EFCC1: variants seen among roughly 807,000 people sequenced by gnomAD.
The protein encoded by EFCC1 is EF-hand and coiled-coil domain containing 1, also known as EF-hand and coiled-coil domain-containing protein 1.
EFCC1 carries 50 observed loss-of-function variants against 52.1 expected under a neutral mutation model. The ratio of observed to expected loss-of-function variants is 0.96; its 90% CI spans 0.76 to 1.21. The LOEUF is 1.21. EFCC1 is among the 50% of genes most tolerant of loss of function. EFCC1 has a pLI of 0.00. For synonymous variants in EFCC1, 399 were observed against 396.5 expected, an observed-to-expected ratio of 1.01 and a Z score of -0.08; for missense variants, 837 against 867.3, an observed-to-expected ratio of 0.97 and a Z score of 0.44.
chr3:129,038,865 T>G lies in EFCC1; in HGVS notation c.1628T>G (p.Leu543Arg), dbSNP rs1166373104. ...AAAAGAGCCCTGGGGAAGATTTTGC[T>G]GAGCACGCTGGACGCTTTCAGGGAC... ...ISKRALGKIL[L>R]STLDAFRDPT... The change falls in exon 7 of 8, where the codon CTG (leucine) becomes CGG (arginine). Residue 543 changes from leucine to arginine, a missense_variant. Physicochemically the swap from Leu to Arg is moderately radical, Grantham distance 102. Transcript: ENST00000683648. The G allele has an allele frequency of 3.7e-6, 6 of 1,613,992 alleles. No homozygotes were observed. The highest frequency in any genetic ancestry group is 5.1e-6 in the Non-Finnish European group (6 of 1,180,022).
At position 129,010,987 on chromosome 3, in the gene EFCC1, C is replaced by T. The variant is rs1347295177; in HGVS notation, c.980+6910C>T. On this transcript the variant is annotated intron_variant, in intron 2 of 7. Coordinates refer to ENST00000683648, the MANE Select transcript of EFCC1 (RefSeq NM_001377500.1). This position sits in a 1 kb window ranked among gnomAD's most constrained non-coding sequence, Gnocchi z 4.3. ...TGGTAGGAGCTAGAGCTGTTCCCTTCACTTCTGTGAGTCTCAGTTTCCTCG... is the reference window on the plus strand; with the variant it reads ...TGGTAGGAGCTAGAGCTGTTCCCTTTACTTCTGTGAGTCTCAGTTTCCTCG... Among the ~76,000 whole-genome samples, 2 of 152,160 alleles carry T rather than the reference C, an allele frequency of 1.3e-5. No individual in the cohort carries two copies. Among genetic ancestry groups the T allele is most frequent in the Non-Finnish European group, 2.9e-5 (2 of 68,034 alleles).
intron 3 of EFCC1, among the ~76,000 whole-genome samples, chr3:129,032,375 C>T (rs900382): frequency 0.064 from 9,732 of 151,906 alleles, 732 homozygotes; most frequent in East Asian, 0.39. Context: ...AAGCCAGGCA[C>T]GGTGGTTCAT....
chr3:129,026,739 A>G (rs1236026797), intron 2 of EFCC1, among the ~76,000 whole-genome samples: 1 of 152,026 alleles, frequency 6.6e-6, no homozygotes, highest in African/African-American at 2.4e-5. Context: ...TGGAGTAGGG[A>G]GATACTGGCA....
At chr3:129,017,609 T>C (rs1429828337) in intron 2 of EFCC1, among the ~76,000 whole-genome samples, 1 of 152,222 alleles carries the variant, frequency 6.6e-6, no homozygotes, top group African/African-American at 2.4e-5. Context: ...TCACCCACAT[T>C]GCTTTCATCT....
rs1044548306 is a variant in EFCC1, at chr3:129,032,898, G to A, written c.1218G>A (p.Gln406=). 1.7e-5 allele frequency: 27 copies of A among 1,551,240 alleles called. No individual in the cohort carries two copies. The highest frequency in any genetic ancestry group is 2.3e-5 in the Non-Finnish European group (26 of 1,146,886). Residue 406 remains glutamine (Q), a synonymous_variant, in exon 4 of 8, where the codon CAG becomes CAA. Transcript: ENST00000683648. Reference sequence around the variant, plus strand: ...AGGAGGTGGAGGAGGAGAGGTGGCAGGAGGAGAAGAAGACGCCGGCAGCCG... The same window carrying A: ...AGGAGGTGGAGGAGGAGAGGTGGCAAGAGGAGAAGAAGACGCCGGCAGCCG... ...DEEEVEEERW[Q]EEKKTPAAEA...
chr3:129,002,498 T>C (rs1944839330), intron 1 of EFCC1, 174 bp downstream of exon 1: 2 of 1,252,474 alleles, frequency 1.6e-6, no homozygotes, highest in South Asian at 3.5e-5. Context: ...TCCTCCCCAT[T>C]CCACTCCAGT....
At chr3:129,038,268 C>T (rs368164433) in intron 6 of EFCC1, among the ~76,000 whole-genome samples, 25 of 152,228 alleles carry the variant, frequency 1.6e-4, no homozygotes, top group East Asian at 1.2e-3. Context: ...CCAGAGCTGC[C>T]GAGGTCCAGC....
rs1352437681 is a variant in EFCC1 at position 129,039,894 on chromosome 3, T to C, written c.*46T>C. ...GGCACCCTGCTCAGCCTGACTGCCT[T>C]TGGACCAGCCTCCATGATCAGCCCA... On this transcript the variant is annotated 3_prime_UTR_variant, in exon 8 of 8. Coordinates refer to ENST00000683648, the MANE Select transcript of EFCC1 (RefSeq NM_001377500.1). 1.9e-6 allele frequency: 3 copies of C among 1,549,988 alleles called. No homozygotes were observed. Among genetic ancestry groups the C allele is most frequent in the Admixed American group, 1.8e-5 (1 of 54,962 alleles).
intron 2 of EFCC1, among the ~76,000 whole-genome samples, chr3:129,021,008 T>C (rs1576753444): frequency 6.6e-6 from 1 of 152,248 alleles, no homozygotes. Flanking sequence ...GGGCATCTCC[T>C]TGGGAGCAGT....
intron 2 of EFCC1, among the ~76,000 whole-genome samples, chr3:129,021,203 G>A (rs1246299821): frequency 6.6e-6 from 1 of 152,174 alleles, no homozygotes; most frequent in African/African-American, 2.4e-5. Context: ...TTTATGCTGC[G>A]CAAACCTCAC....
chr3:129,016,737 AG>A (rs1382144962), intron 2 of EFCC1, among the ~76,000 whole-genome samples: 7 of 152,032 alleles, frequency 4.6e-5, no homozygotes, highest in Non-Finnish European at 8.8e-5. Context: ...CTGAGGCAGG[AG>A]GGGGCGGAAC....
rs144678686 is a variant in EFCC1 at position 129,001,481 on chromosome 3, G to A, written c.-148G>A. 2,254 of 1,232,464 alleles carry A rather than the reference G, an allele frequency of 1.8e-3. 32 individuals carry two copies. In the African/African-American group the frequency reaches 0.032, roughly 17 times the overall value. The allele number at this position is 1,232,464 out of a possible 1,614,324, so 76.3% of individuals were successfully genotyped here. The stretch of plus-strand genomic sequence containing the variant: ...AAACCAGACGCACTGTGAGGCCAGC[G>A]CAGCTGCTGGACACGGTCCCCGGCG... On this transcript the variant is annotated 5_prime_UTR_variant, in exon 1 of 8. Transcript: ENST00000683648.
intron 2 of EFCC1, among the ~76,000 whole-genome samples, chr3:129,023,397 T>C (rs951774871): frequency 6.6e-6 from 1 of 151,946 alleles, no homozygotes; most frequent in Admixed American, 6.6e-5. Context: ...GGTGCGATCT[T>C]GGCTCACTGC....
chr3:129,003,720 C>T, intron 1 of EFCC1, 74 bp from the exon 2 acceptor site: 2 of 1,255,246 alleles, frequency 1.6e-6, no homozygotes, highest in Non-Finnish European at 2.0e-6. Context: ...ATGGGGCCGC[C>T]GTCGTGGCGG....
intron 2 of EFCC1, among the ~76,000 whole-genome samples, chr3:129,012,566 C>T (rs1239556895): frequency 5.9e-5 from 9 of 152,180 alleles, no homozygotes; most frequent in Non-Finnish European, 1.3e-4. Context: ...TAGGAAAGAA[C>T]GTGGATTGGC....
At position 129,010,353 on chromosome 3, in the gene EFCC1, C is replaced by G. The variant is rs1310583388; in HGVS notation, c.980+6276C>G. Among the ~76,000 whole-genome samples, 3 of 152,226 alleles carry G rather than the reference C, an allele frequency of 2.0e-5. No individual in the cohort carries two copies. The highest frequency in any genetic ancestry group is 4.4e-5 in the Non-Finnish European group (3 of 68,032). ...CTTCAGGACACCGGGGCAGGGCAGGCAGCCTAGGGCCAGCACCACTGGGCA... is the reference window on the plus strand; with the variant it reads ...CTTCAGGACACCGGGGCAGGGCAGGGAGCCTAGGGCCAGCACCACTGGGCA... On this transcript the variant is annotated intron_variant, in intron 2 of 7. Transcript: ENST00000683648. This position sits in a 1 kb window ranked among gnomAD's most constrained non-coding sequence, Gnocchi z 4.3.
At chr3:129,024,363 C>G (rs1416439110) in intron 2 of EFCC1, among the ~76,000 whole-genome samples, 1 of 151,928 alleles carries the variant, frequency 6.6e-6, no homozygotes, top group Middle Eastern at 3.2e-3. Flanking sequence ...AAAACCCTTT[C>G]TCTACTAAAA....
intron 2 of EFCC1, among the ~76,000 whole-genome samples, chr3:129,028,336 G>A (rs183691870): frequency 4.0e-4 from 60 of 151,786 alleles, no homozygotes; most frequent in Admixed American, 2.2e-3. Context: ...CATCTGCCTC[G>A]GCCTCCCAAA....
chr3:129,032,736 G>C, intron 3 of EFCC1, 83 bp from the exon 4 acceptor site: 1 of 1,492,182 alleles, frequency 6.7e-7, no homozygotes, highest in Non-Finnish European at 9.0e-7. Context: ...CTCCCCTGGG[G>C]CTGCGCTGCA....
Sources: allele counts gnomAD v4.1 joint callset (sites outside exome capture counted in the v4.1 genomes callset), GRCh38; gene constraint gnomAD v4.1.1; non-coding constraint Gnocchi (gnomAD v3.1); transcripts MANE v1.5; gene names NCBI Gene and HGNC (gene_info 2026-07-23, HGNC 2026-07-21).